Variants in TENM2 observed in about 807,000 individuals in gnomAD.
The protein encoded by TENM2 is teneurin transmembrane protein 2.
A neutral mutation model predicts 245.2 loss-of-function variants in TENM2; 52 were observed. The ratio of observed to expected loss-of-function variants is 0.21; its 90% CI spans 0.17 to 0.27. TENM2 has a LOEUF of 0.27. Ranked by LOEUF, TENM2 falls within the 10% of genes least tolerant of loss-of-function variation. The probability of loss-of-function intolerance (pLI) is 1.00; values close to 1 mark genes in which losing one functional copy is unlikely to be tolerated. For synonymous variants in TENM2, 1,363 were observed against 1,438.9 expected (o/e 0.95, Z 1.19); for missense variants, 3,046 against 3,666.8 (o/e 0.83, Z 4.37).
chr5:167,911,451 T>C (rs1037126681), intron 3 of TENM2, among the ~76,000 whole-genome samples: 5 of 152,088 alleles, frequency 3.3e-5, no homozygotes, highest in Non-Finnish European at 7.4e-5. Context: ...GGCGTGAACC[T>C]GGGAGGCGGA....
chr5:167,327,239 T>C (rs535760403), intron 1 of TENM2, among the ~76,000 whole-genome samples: 4 of 152,278 alleles, frequency 2.6e-5, no homozygotes, highest in South Asian at 2.1e-4. Flanking sequence ...TGTGTTCTCA[T>C]TGTTCAGTTC....
At chr5:167,934,814 C>T (rs2151727134) in intron 3 of TENM2, 1 of 976,120 alleles carries the variant, frequency 1.0e-6, no homozygotes, top group Non-Finnish European at 1.2e-6. Context: ...CATGTGTGTG[C>T]TCAGCATCAC....
At chr5:167,487,864 AT>A (rs1419030531) in intron 2 of TENM2, among the ~76,000 whole-genome samples, 4 of 152,206 alleles carry the variant, frequency 2.6e-5, no homozygotes, top group African/African-American at 9.7e-5. Context: ...TCAGTATATA[AT>A]GCAAAATTTA....
intron 2 of TENM2, among the ~76,000 whole-genome samples, chr5:167,546,833 T>C (rs1772591332): frequency 1.3e-5 from 2 of 152,152 alleles, no homozygotes; most frequent in South Asian, 4.1e-4. Flanking sequence ...TGTGCTAATT[T>C]ACAACTTAAC....
chr5:167,283,483 G>C (rs1454874336), upstream of TENM2, among the ~76,000 whole-genome samples: 1 of 152,152 alleles, frequency 6.6e-6, no homozygotes, highest in East Asian at 1.9e-4. Context: ...ACAAGGGAGG[G>C]GCTACTTGGC....
At chr5:167,840,320 ACT>A (rs1004864448) in intron 2 of TENM2, among the ~76,000 whole-genome samples, 2 of 152,206 alleles carry the variant, frequency 1.3e-5, no homozygotes, top group African/African-American at 4.8e-5. Context: ...TTGGGATCCA[ACT>A]CTACAGTGTG....
intron 25 of TENM2, among the ~76,000 whole-genome samples, chr5:168,228,492 A>C (rs958029252): frequency 8.6e-6 from 1 of 116,040 alleles, no homozygotes; most frequent in African/African-American, 4.7e-5. Flanking sequence ...CTTCTTCCTC[A>C]GTTTTCACTG....
At chr5:167,682,013 A>C (rs6555764) in intron 2 of TENM2, among the ~76,000 whole-genome samples, 9 of 150,960 alleles carry the variant, frequency 6.0e-5, no homozygotes, top group South Asian at 4.2e-4. Context: ...CACACACACA[A>C]AGAGAGAATG....
intron 8 of TENM2, among the ~76,000 whole-genome samples, chr5:168,091,111 A>G (rs934414420): frequency 1.3e-5 from 2 of 152,168 alleles, no homozygotes; most frequent in African/African-American, 4.8e-5. Context: ...TGCCCACCTC[A>G]TAGGGCCATT....
At chr5:168,010,608 G>A (rs1162566508) in intron 5 of TENM2, among the ~76,000 whole-genome samples, 3 of 152,210 alleles carry the variant, frequency 2.0e-5, no homozygotes, top group Non-Finnish European at 4.4e-5. Flanking sequence ...TGAGAGAAGT[G>A]TAAATGAGTA....
chr5:167,176,137 T>C, the TENM2 span, among the ~76,000 whole-genome samples: 1 of 152,256 alleles, frequency 6.6e-6, no homozygotes, highest in South Asian at 2.1e-4. Context: ...TCCCTGATGA[T>C]ATTCTCTCAG....
chr5:168,135,940 C>G (rs890637157), intron 12 of TENM2, among the ~76,000 whole-genome samples: 7 of 152,152 alleles, frequency 4.6e-5, no homozygotes, highest in Non-Finnish European at 1.0e-4. Flanking sequence ...TGGTCTTTTC[C>G]CATTGCTGTT....
At chr5:168,004,752 C>T (rs183705599) in intron 5 of TENM2, among the ~76,000 whole-genome samples, 1 of 152,258 alleles carries the variant, frequency 6.6e-6, no homozygotes, top group Admixed American at 6.5e-5. Flanking sequence ...TTTCTTTTTC[C>T]TCCTCTCTCC....
intron 2 of TENM2, among the ~76,000 whole-genome samples, chr5:167,772,574 T>C (rs1299056723): frequency 6.6e-6 from 1 of 152,124 alleles, no homozygotes; most frequent in African/African-American, 2.4e-5. Flanking sequence ...TTCAATTACA[T>C]ACCAGGCCCG....
chr5:167,504,598 C>T (rs1270833844), intron 2 of TENM2, among the ~76,000 whole-genome samples: 1 of 152,154 alleles, frequency 6.6e-6, no homozygotes, highest in Non-Finnish European at 1.5e-5. Context: ...ACTTTAACCA[C>T]TGGGAGGTGG....
At chr5:167,372,074 T>G (rs934273812) in intron 1 of TENM2, among the ~76,000 whole-genome samples, 3 of 152,106 alleles carry the variant, frequency 2.0e-5, no homozygotes, top group African/African-American at 7.2e-5. Flanking sequence ...AAAGTGAAGA[T>G]GAAAAGGTAA....
At chr5:167,659,806 A>T (rs1376314243) in intron 2 of TENM2, among the ~76,000 whole-genome samples, 2 of 152,182 alleles carry the variant, frequency 1.3e-5, no homozygotes, top group East Asian at 3.9e-4. Flanking sequence ...CTACTCATAC[A>T]AAAAGCACAT....
chr5:168,098,314 C>T (rs145526184), intron 9 of TENM2, among the ~76,000 whole-genome samples, 187 bp downstream of exon 11: 1,757 of 152,126 alleles, frequency 0.012, 14 homozygotes, highest in Middle Eastern at 0.054. Flanking sequence ...CATTGGCCAA[C>T]GTACCTATAG....
At chr5:167,464,167 A>T (rs1766500482) in intron 2 of TENM2, among the ~76,000 whole-genome samples, 1 of 152,138 alleles carries the variant, frequency 6.6e-6, no homozygotes, top group South Asian at 2.1e-4. Context: ...TTCTTAGGAG[A>T]CTTGCTGCCT....
Sources: gnomAD v4.1 joint callset for allele counts (sites outside exome capture counted in the v4.1 genomes callset) on GRCh38, gnomAD v4.1.1 for gene constraint, MANE v1.5 for transcripts, NCBI Gene and HGNC (gene_info 2026-07-23, HGNC 2026-07-21) for gene names.